DLG2: variants seen among roughly 807,000 people sequenced by gnomAD.
DLG2 encodes the protein discs large MAGUK scaffold protein 2.
DLG2 carries 45 observed loss-of-function variants against 132.5 expected under a neutral mutation model. The ratio of observed to expected loss-of-function variants is 0.34; its 90% CI spans 0.27 to 0.44. The LOEUF is 0.44. DLG2 is among the 20% of genes least tolerant of loss of function. The probability of loss-of-function intolerance (pLI) is 1.00; values close to 1 mark genes in which losing one functional copy is unlikely to be tolerated. For synonymous variants in DLG2, 424 were observed against 419.6 expected, an observed-to-expected ratio of 1.01 and a Z score of -0.13; for missense variants, 1,045 against 1,196.9, an observed-to-expected ratio of 0.87 and a Z score of 1.87.
intron 6 of DLG2, among the ~76,000 whole-genome samples, chr11:84,789,460 G>A (rs1369903094): frequency 6.6e-6 from 1 of 151,820 alleles, no homozygotes; most frequent in Non-Finnish European, 1.5e-5. Flanking sequence ...TATTTATGGG[G>A]TACATGAGAT....
At chr11:84,831,870 T>C (rs1470450609) in intron 6 of DLG2, among the ~76,000 whole-genome samples, 1 of 151,654 alleles carries the variant, frequency 6.6e-6, no homozygotes, top group Non-Finnish European at 1.5e-5. Context: ...ATAGAGCAGA[T>C]ACAGTGACGA....
intron 3 of DLG2, among the ~76,000 whole-genome samples, chr11:85,563,390 C>G (rs1445700432): frequency 1.3e-5 from 2 of 151,228 alleles, no homozygotes; most frequent in Admixed American, 1.3e-4. Flanking sequence ...CCATCTGGAC[C>G]CCAAATGTCC....
At chr11:85,074,819 G>A (rs2066314228) in intron 6 of DLG2, among the ~76,000 whole-genome samples, 1 of 151,826 alleles carries the variant, frequency 6.6e-6, no homozygotes, top group African/African-American at 2.4e-5. Flanking sequence ...GTACATGCAT[G>A]AAAAACAGTA....
chr11:84,529,617 CA>C (rs542412375), intron 7 of DLG2, among the ~76,000 whole-genome samples: 31 of 151,972 alleles, frequency 2.0e-4, no homozygotes, highest in Non-Finnish European at 4.3e-4. Flanking sequence ...ACACGGATGA[CA>C]AAAAAATTGC....
At chr11:85,067,384 A>G (rs1009839835) in intron 6 of DLG2, among the ~76,000 whole-genome samples, 15 of 151,658 alleles carry the variant, frequency 9.9e-5, no homozygotes, top group African/African-American at 3.4e-4. Flanking sequence ...TGCCTTCTGC[A>G]AGCTTTTGAA....
intron 6 of DLG2, among the ~76,000 whole-genome samples, chr11:85,098,330 T>C (rs1380781218): frequency 1.3e-5 from 2 of 152,238 alleles, no homozygotes; most frequent in African/African-American, 2.4e-5. Flanking sequence ...CACAGCCCAG[T>C]TTCTTTCCAG....
At chr11:84,022,790 T>C (rs2095432781) in intron 11 of DLG2, among the ~76,000 whole-genome samples, 1 of 151,956 alleles carries the variant, frequency 6.6e-6, no homozygotes, top group South Asian at 2.1e-4. Context: ...TTTTAAAAAA[T>C]ACATCTAGGG....
chr11:85,296,729 A>G (rs950746480), intron 3 of DLG2, among the ~76,000 whole-genome samples: 6 of 151,434 alleles, frequency 4.0e-5, no homozygotes, highest in Admixed American at 2.6e-4. Context: ...GAATTGGTCC[A>G]GTAAGTGACA....
chr11:84,191,046 C>T (rs1045593009), intron 8 of DLG2, among the ~76,000 whole-genome samples: 2 of 152,116 alleles, frequency 1.3e-5, no homozygotes, highest in Non-Finnish European at 2.9e-5. Context: ...GAAGTTAAAA[C>T]TTTGTTCATT....
intron 3 of DLG2, among the ~76,000 whole-genome samples, chr11:85,426,892 G>T (rs183441619): frequency 6.6e-6 from 1 of 152,030 alleles, no homozygotes; most frequent in Non-Finnish European, 1.5e-5. Context: ...AAAATTAGAC[G>T]AATGGCTAAC....
At chr11:85,614,332 T>A (rs584153) in intron 2 of DLG2, among the ~76,000 whole-genome samples, 127,161 of 151,034 alleles carry the variant, frequency 0.84, 54,654 homozygotes, top group Non-Finnish European at 0.94. Flanking sequence ...TTTTTTTTTT[T>A]AAAAATTAAC....
chr11:84,016,256 T>C (rs2154071158), intron 11 of DLG2, among the ~76,000 whole-genome samples: 1 of 152,296 alleles, frequency 6.6e-6, no homozygotes, highest in East Asian at 1.9e-4. Context: ...TTGTTTAAGT[T>C]CCTTACAGAT....
intron 2 of DLG2, among the ~76,000 whole-genome samples, chr11:85,605,462 A>T (rs1023640641): frequency 6.6e-6 from 1 of 152,166 alleles, no homozygotes; most frequent in African/African-American, 2.4e-5. Context: ...TATTTGTAAC[A>T]TATAAATAAA....
At chr11:85,540,498 C>T (rs928943092) in intron 3 of DLG2, among the ~76,000 whole-genome samples, 1 of 152,180 alleles carries the variant, frequency 6.6e-6, no homozygotes. Flanking sequence ...TTCCATCCCC[C>T]TCTGGCCTCC....
chr11:83,500,866 G>A (rs528822925), intron 21 of DLG2, among the ~76,000 whole-genome samples: 1 of 152,110 alleles, frequency 6.6e-6, no homozygotes, highest in Admixed American at 6.6e-5. Flanking sequence ...GCCAATTTGT[G>A]CATCATTCTG....
chr11:85,186,696 A>G (rs891704034), intron 4 of DLG2, among the ~76,000 whole-genome samples: 11 of 152,090 alleles, frequency 7.2e-5, no homozygotes, highest in African/African-American at 2.7e-4. Context: ...ATCCTGACCT[A>G]TCATGGAGAA....
At chr11:84,175,828 A>G (rs2154275230) in intron 8 of DLG2, among the ~76,000 whole-genome samples, 2 of 152,160 alleles carry the variant, frequency 1.3e-5, no homozygotes, top group Middle Eastern at 3.4e-3. Context: ...TCCAGATCAG[A>G]TACTAAGGGA....
intron 3 of DLG2, among the ~76,000 whole-genome samples, chr11:85,450,407 C>T (rs1293534985): frequency 6.6e-6 from 1 of 152,134 alleles, no homozygotes; most frequent in African/African-American, 2.4e-5. Context: ...CCTCCACTGC[C>T]TGGTCATTAA....
chr11:84,792,221 T>C (rs1464627685), intron 6 of DLG2, among the ~76,000 whole-genome samples: 2 of 152,346 alleles, frequency 1.3e-5, no homozygotes, highest in East Asian at 1.9e-4. Flanking sequence ...TCTGTTTATA[T>C]GGTGTATCAC....
Sources: gnomAD v4.1 joint callset for allele counts (sites outside exome capture counted in the v4.1 genomes callset) on GRCh38, gnomAD v4.1.1 for gene constraint, MANE v1.5 for transcripts, NCBI Gene and HGNC (gene_info 2026-07-23, HGNC 2026-07-21) for gene names.